Variants in FANCD2 observed in about 807,000 individuals in gnomAD.
FANCD2 encodes Fanconi anemia group D2 protein.
FANCD2 carries 131 observed loss-of-function variants against 192.3 expected under a neutral mutation model. The ratio of observed to expected loss-of-function variants is 0.68; its 90% CI spans 0.59 to 0.79. The LOEUF is 0.79. Ranked by LOEUF, FANCD2 falls within the 30% of genes least tolerant of loss-of-function variation. The pLI is 0.00. For synonymous variants in FANCD2, 524 were observed against 612.5 expected (o/e 0.86, Z 2.13); for missense variants, 1,508 against 1,701.6 (o/e 0.89, Z 2.00).
rs780002549 is a variant in FANCD2 at position 10,060,303 on chromosome 3, C to A, written c.1666C>A (p.His556Asn). Residue 556 changes from histidine (H) to asparagine (N), a missense_variant, in exon 19 of 44, where the codon CAC (histidine) becomes AAC (asparagine). By Grantham distance (68) the His-to-Asn change is moderately conservative. Around this residue, in one of 5 missense-constraint regions of FANCD2, gnomAD observed 110 missense variants for 114.4 expected, o/e 0.96. Coordinates refer to ENST00000675286, the MANE Select transcript of FANCD2 (RefSeq NM_001018115.3). ...EASSHIQDDMHLVIRKQLSST... is the reference protein window; with the variant it reads ...EASSHIQDDMNLVIRKQLSST... Reference sequence around the variant, plus strand: ...CATCATCTCATTGCAGGATGACATGCACTTGGTGATAAGAAAGCAGCTCTC... The same window carrying A: ...CATCATCTCATTGCAGGATGACATGAACTTGGTGATAAGAAAGCAGCTCTC... 3.1e-6 allele frequency: 5 copies of A among 1,609,836 alleles called. No individual in the cohort carries two copies. The highest frequency in any genetic ancestry group is 4.2e-6 in the Non-Finnish European group (5 of 1,177,730).
chr3:10,029,239 C>T (rs1050538695), intron 2 of FANCD2, among the ~76,000 whole-genome samples: 3 of 152,180 alleles, frequency 2.0e-5, no homozygotes, highest in Admixed American at 1.3e-4. Context: ...ATCGCTCACA[C>T]CTGTAATCCA....
At position 10,042,573 on chromosome 3, in the gene FANCD2, G is replaced by A. The variant is rs1295017387; in HGVS notation, c.798G>A (p.Val266=). The part of the protein sequence containing the change: ...PNFLLKVRQL[V]MDKLSSIRLE... ...TTAATTTTTAGGTTCGCCAGTTGGT[G>A]ATGGATAAGTTGTCGTCTATTAGAT... The change falls in exon 11 of 44, where the codon GTG becomes GTA. Residue 266 remains valine, a synonymous_variant. Coordinates refer to ENST00000675286, the MANE Select transcript of FANCD2 (RefSeq NM_001018115.3). 1 of 1,613,852 alleles carries A rather than the reference G, an allele frequency of 6.2e-7. No individual in the cohort carries two copies. The highest frequency in any genetic ancestry group is 2.2e-5 in the East Asian group (1 of 44,872).
At chr3:10,087,048 G>A (rs2125072098) in intron 33 of FANCD2, 86 bp from the exon 34 acceptor site, 1 of 1,451,596 alleles carries the variant, frequency 6.9e-7, no homozygotes, top group Non-Finnish European at 9.7e-7. Context: ...ACACTGAAAG[G>A]GACTTGGGCA....
chr3:10,042,616 A>G lies in FANCD2; in HGVS notation c.841A>G (p.Ile281Val). 1 of 1,614,088 alleles carries G rather than the reference A, an allele frequency of 6.2e-7. No homozygotes were observed. Among genetic ancestry groups the G allele is most frequent in the Non-Finnish European group, 8.5e-7 (1 of 1,179,966 alleles). The change falls in exon 11 of 44, where the codon ATA becomes GTA. Residue 281 changes from isoleucine to valine, a missense_variant. Around this residue, in one of 5 missense-constraint regions of FANCD2, gnomAD observed 435 missense variants for 421.9 expected, o/e 1.03. Coordinates refer to ENST00000675286, the MANE Select transcript of FANCD2 (RefSeq NM_001018115.3). ...TATTAGATTGGAGGATTTACCTGTG[A>G]TAATAAAGTTCATTCTTCATTCCGT... Reference protein sequence around the residue: ...SSIRLEDLPVIIKFILHSVTA... With the variant: ...SSIRLEDLPVVIKFILHSVTA...
chr3:10,087,281 CTTTTT>C lies in FANCD2; in HGVS notation c.3466+32_3466+36del. The C allele has an allele frequency of 1.4e-4, 182 of 1,309,596 alleles. No homozygotes were observed. The highest frequency in any genetic ancestry group is 2.8e-4 in the East Asian group (10 of 36,110). 81.1% of individuals were successfully genotyped at this position (1,309,596 alleles called of 1,614,324 possible). On this transcript the variant is annotated intron_variant, in intron 34 of 43. Coordinates refer to ENST00000675286, the MANE Select transcript of FANCD2 (RefSeq NM_001018115.3). ...AAAAAATTGGTGATGGGCCTAGATC[CTTTTT>C]TTTTTTTTTTTTTTAATGAATAGGA...
intron 6 of FANCD2, among the ~76,000 whole-genome samples, 182 bp from the exon 7 acceptor site, chr3:10,036,105 T>TTTTTTTTTTTTTTTTTTTTG (rs2086724568): frequency 6.8e-6 from 1 of 146,788 alleles, no homozygotes; most frequent in African/African-American, 2.6e-5. Flanking sequence ...TTTTTTTTTT[T>TTTTTTTTTTTTTTTTTTTTG]GAGTCAGAGT....
chr3:10,047,392 A>T (rs878954913), intron 15 of FANCD2, among the ~76,000 whole-genome samples: 6,555 of 146,632 alleles, frequency 0.045, no homozygotes, highest in Admixed American at 0.062. Flanking sequence ...AAGATTTTTA[A>T]AAATTATGGT....
chr3:10,026,769 G>A (rs1388012844), intron 1 of FANCD2: 1 of 152,236 alleles, frequency 6.6e-6, no homozygotes, highest in Admixed American at 6.5e-5. Flanking sequence ...CGTGTTAAAG[G>A]CGGGTGCCTG....
intron 43 of FANCD2, among the ~76,000 whole-genome samples, chr3:10,100,914 C>T (rs1559412562): frequency 6.6e-6 from 1 of 151,958 alleles, no homozygotes; most frequent in Non-Finnish European, 1.5e-5. Context: ...TACCAAAATA[C>T]AAAAATTAGC....
intron 2 of FANCD2, chr3:10,032,273 T>C: frequency 2.5e-6 from 1 of 393,572 alleles, no homozygotes; most frequent in Non-Finnish European, 5.0e-6. Flanking sequence ...TGTTAGGCAC[T>C]TATTTGTTTG....
chr3:10,090,705 A>T (rs1190250892), intron 37 of FANCD2, among the ~76,000 whole-genome samples: 4 of 151,990 alleles, frequency 2.6e-5, no homozygotes, highest in Non-Finnish European at 5.9e-5. Flanking sequence ...TGATCCACCC[A>T]CCTCGGCCTC....
Position 10,060,372 on chromosome 3 carries a change from G to A in FANCD2, c.1735G>A (p.Val579Met). ...CAAGCTCATTGGGATTATTGGTGCT[G>A]TGACCATGGCTGGCATCATGGCGGC... ...KYKLIGIIGA[V>M]TMAGIMAADR... Residue 579 changes from valine to methionine, a missense_variant, in exon 19 of 44, where the codon GTG becomes ATG. Transcript: ENST00000675286. 1 of 1,613,958 alleles carries A rather than the reference G, an allele frequency of 6.2e-7. No individual in the cohort carries two copies. Among genetic ancestry groups the A allele is most frequent in the African/African-American group, 1.3e-5 (1 of 75,034 alleles).
At chr3:10,034,173 A>G (rs1214804036) in intron 3 of FANCD2, among the ~76,000 whole-genome samples, 1 of 149,458 alleles carries the variant, frequency 6.7e-6, no homozygotes, top group Non-Finnish European at 1.5e-5. Flanking sequence ...AATACAAAAA[A>G]CGAAACAAAA....
intron 18 of FANCD2, among the ~76,000 whole-genome samples, chr3:10,054,263 T>A (rs906820018): frequency 5.4e-5 from 8 of 149,224 alleles, no homozygotes; most frequent in African/African-American, 2.0e-4. Flanking sequence ...GAATCATAAC[T>A]TGTAACTCGT....
At chr3:10,028,367 C>G in intron 1 of FANCD2, among the ~76,000 whole-genome samples, 1 of 152,130 alleles carries the variant, frequency 6.6e-6, no homozygotes. Flanking sequence ...GGTCTTGAAT[C>G]TCAGATGGAG....
intron 43 of FANCD2, among the ~76,000 whole-genome samples, chr3:10,100,517 GC>G (rs1384290264): frequency 6.6e-6 from 1 of 152,118 alleles, no homozygotes; most frequent in Non-Finnish European, 1.5e-5. Flanking sequence ...GATTACAGGT[GC>G]CTGCAACCAT....
At position 10,067,292 on chromosome 3, in the gene FANCD2, A is replaced by G. The variant is rs574054963; in HGVS notation, c.2469A>G (p.Gln823=). Residue 823 remains glutamine, a synonymous_variant, in exon 26 of 44, where the codon CAA becomes CAG. Transcript: ENST00000675286. ...GGTTAAAGCACATTGTAGAATTGCA[A>G]ATAATCCTGGAAAAGTACTTGGCAG... is the stretch of plus-strand genomic sequence containing the variant. ...LTRLKHIVEL[Q]IILEKYLAVT... The G allele has an allele frequency of 2.9e-4, 470 of 1,612,652 alleles. 10 individuals carry two copies. In the South Asian group the frequency reaches 4.9e-3, roughly 17 times the overall value.
chr3:10,063,794 G>A lies in FANCD2; in HGVS notation c.1830G>A (p.Val610=), dbSNP rs1447943740. 5 of 1,614,202 alleles carry A rather than the reference G, an allele frequency of 3.1e-6. No individual in the cohort carries two copies. Among genetic ancestry groups the A allele is most frequent in the Non-Finnish European group, 3.4e-6 (4 of 1,180,046 alleles). ...ACCATTCTTCCTCTTTGCTCCAGGT[G>A]ACCTCCTTGTTGCAGTTGGTTCATT... ...ANLSDEQCTQ[V]TSLLQLVHSC... Residue 610 remains valine, a splice_region_variant and synonymous_variant, in exon 21 of 44, where the codon GTG becomes GTA. Transcript: ENST00000675286.
intron 16 of FANCD2, among the ~76,000 whole-genome samples, chr3:10,048,415 T>C (rs2087094528): frequency 1.3e-5 from 2 of 152,250 alleles, no homozygotes; most frequent in Admixed American, 6.5e-5. Context: ...GCGATTCTCC[T>C]GTCTCAGCTT....
Sources: gnomAD v4.1 joint callset for allele counts (sites outside exome capture counted in the v4.1 genomes callset) on GRCh38, gnomAD v4.1.1 for gene constraint, gnomAD v4.1.1 regional missense constraint, MANE v1.5 for transcripts, NCBI Gene and HGNC (gene_info 2026-07-23, HGNC 2026-07-21) for gene names.